The following KLHL1 variants were observed in gnomAD, a reference collection of about 807,000 sequenced individuals.
The protein encoded by KLHL1 is kelch-like protein 1.
Under a neutral mutation model 77.7 loss-of-function variants are expected in KLHL1, and 47 were observed. That is an observed-to-expected ratio of 0.60 (90% CI 0.48 to 0.77). The LOEUF (loss-of-function observed/expected upper bound fraction) is 0.77, where lower values mean the gene tolerates loss of function less well. Among genes scored for constraint, KLHL1 ranks in the 30% least tolerant of loss-of-function variants. The pLI is 0.00. For missense variants in KLHL1, 925 were observed against 910.8 expected, an observed-to-expected ratio of 1.02 and a Z score of -0.20; for synonymous variants, 360 against 325.2, an observed-to-expected ratio of 1.11 and a Z score of -1.15.
At position 69,810,865 on chromosome 13, in the gene KLHL1, A is replaced by G. The variant is rs1877849424; in HGVS notation, c.1415-13903T>C. On this transcript the variant is annotated intron_variant, in intron 6 of 10. Coordinates refer to ENST00000377844, the MANE Select transcript of KLHL1 (RefSeq NM_020866.3). ...ATGAACACCTCTATGCACACAAACA[A>G]GAAAATCTGTAAGAAACAGATAAAT... Among the ~76,000 whole-genome samples the G allele has an allele frequency of 5.3e-5, 8 of 152,256 alleles. No homozygotes were observed. In the South Asian group the frequency reaches 1.7e-3, roughly 32 times the overall value.
At chr13:69,885,226 CA>C (rs1010246794) in intron 4 of KLHL1, among the ~76,000 whole-genome samples, 1 of 151,988 alleles carries the variant, frequency 6.6e-6, no homozygotes, top group Non-Finnish European at 1.5e-5. Flanking sequence ...AGGCGTGAGC[CA>C]CCGCGCCCGG....
intron 1 of KLHL1, among the ~76,000 whole-genome samples, chr13:69,987,632 A>G (rs911134767): frequency 1.3e-5 from 2 of 152,020 alleles, no homozygotes; most frequent in Admixed American, 6.6e-5. Flanking sequence ...AAGGACTACT[A>G]AAGAACTCTT....
intron 4 of KLHL1, among the ~76,000 whole-genome samples, chr13:69,883,019 C>T (rs1881060085): frequency 1.3e-5 from 2 of 152,092 alleles, no homozygotes; most frequent in Non-Finnish European, 2.9e-5. Flanking sequence ...TTATCATTCC[C>T]TCCTCTCATG....
chr13:70,018,322 T>G (rs1885710484), intron 1 of KLHL1, among the ~76,000 whole-genome samples: 1 of 152,200 alleles, frequency 6.6e-6, no homozygotes, highest in South Asian at 2.1e-4. Context: ...CATAAAAGTA[T>G]AAAGTGGCAA....
At chr13:70,014,084 T>C (rs1279184908) in intron 1 of KLHL1, among the ~76,000 whole-genome samples, 1 of 152,064 alleles carries the variant, frequency 6.6e-6, no homozygotes, top group East Asian at 1.9e-4. Flanking sequence ...CAAAATTGAA[T>C]ACTAACAAGA....
At chr13:69,901,099 GACACTGT>G (rs1466439696) in intron 4 of KLHL1, among the ~76,000 whole-genome samples, 16 of 152,148 alleles carry the variant, frequency 1.1e-4, no homozygotes, top group African/African-American at 3.9e-4. Flanking sequence ...ACATTTGTAA[GACACTGT>G]ACATGCAAAT....
intron 4 of KLHL1, among the ~76,000 whole-genome samples, chr13:69,933,236 A>G (rs1354737581): frequency 6.6e-6 from 1 of 152,144 alleles, no homozygotes; most frequent in Admixed American, 6.6e-5. Context: ...ACTGAAAAGG[A>G]GTAACACAAA....
intron 5 of KLHL1, among the ~76,000 whole-genome samples, chr13:69,839,467 G>C (rs997640041): frequency 6.6e-6 from 1 of 151,818 alleles, no homozygotes; most frequent in African/African-American, 2.4e-5. Flanking sequence ...TGAAAATCAA[G>C]TATAGTTACT....
intron 4 of KLHL1, among the ~76,000 whole-genome samples, chr13:69,924,426 T>C (rs1882746975): frequency 6.6e-6 from 1 of 152,158 alleles, no homozygotes; most frequent in African/African-American, 2.4e-5. Flanking sequence ...GAGAGTCATT[T>C]GGATGGCCAG....
chr13:69,903,451 C>G (rs1168104261), intron 4 of KLHL1, among the ~76,000 whole-genome samples: 1 of 152,002 alleles, frequency 6.6e-6, no homozygotes, highest in African/African-American at 2.4e-5. Flanking sequence ...ATTGCATAAA[C>G]AAGCCTGATT....
intron 1 of KLHL1, among the ~76,000 whole-genome samples, chr13:70,005,751 CAA>C (rs1885390932): frequency 6.6e-6 from 1 of 151,772 alleles, no homozygotes; most frequent in African/African-American, 2.4e-5. Flanking sequence ...ATTATCAAAA[CAA>C]GAATAAATAC....
chr13:69,786,160 G>C (rs1359101628), intron 7 of KLHL1, among the ~76,000 whole-genome samples: 1 of 152,052 alleles, frequency 6.6e-6, no homozygotes, highest in African/African-American at 2.4e-5. Flanking sequence ...CATTGTATGA[G>C]GCCAGCATCA....
chr13:69,835,981 T>C (rs1002733376), intron 6 of KLHL1, among the ~76,000 whole-genome samples: 1 of 152,086 alleles, frequency 6.6e-6, no homozygotes, highest in South Asian at 2.1e-4. Flanking sequence ...TGTTCCCACA[T>C]GAGTAACTAT....
intron 7 of KLHL1, among the ~76,000 whole-genome samples, chr13:69,741,894 C>A (rs982384004): frequency 2.0e-5 from 3 of 152,076 alleles, no homozygotes; most frequent in Non-Finnish European, 2.9e-5. Flanking sequence ...TCAGTTGGTA[C>A]CTTGCTGCAA....
intron 4 of KLHL1, among the ~76,000 whole-genome samples, chr13:69,903,674 G>A (rs1312124013): frequency 8.0e-5 from 8 of 100,152 alleles, no homozygotes; most frequent in African/African-American, 2.1e-4. Context: ...ATGGAGTGTC[G>A]CTCTGTCACC....
chr13:69,736,289 T>A (rs1178228469), intron 8 of KLHL1, among the ~76,000 whole-genome samples: 1 of 151,958 alleles, frequency 6.6e-6, no homozygotes, highest in Non-Finnish European at 1.5e-5. Flanking sequence ...ATGAAAAAAT[T>A]CTCAACATCA....
intron 1 of KLHL1, among the ~76,000 whole-genome samples, chr13:70,105,256 T>C (rs1000818073): frequency 3.9e-5 from 6 of 151,956 alleles, no homozygotes; most frequent in Non-Finnish European, 7.4e-5. Flanking sequence ...AAGAAACTTG[T>C]TAAGTCTGGT....
intron 5 of KLHL1, among the ~76,000 whole-genome samples, chr13:69,852,325 A>G (rs1318897548): frequency 5.9e-5 from 9 of 151,942 alleles, no homozygotes; most frequent in African/African-American, 2.2e-4. Context: ...CTTCTCCCAC[A>G]TTTTATTTCA....
chr13:69,940,258 TATGAAACTCTTTTAAAAAC>T (rs1883325928), intron 3 of KLHL1, 22 bp from the exon 4 acceptor site: 1 of 1,557,708 alleles, frequency 6.4e-7, no homozygotes, highest in Non-Finnish European at 8.7e-7. Flanking sequence ...CAAAGATAAT[TATGAAACTCTTTTAAAAAC>T]ATGAAATAAT....
Sources: allele counts gnomAD v4.1 joint callset (sites outside exome capture counted in the v4.1 genomes callset), GRCh38; gene constraint gnomAD v4.1.1; transcripts MANE v1.5; gene names NCBI Gene and HGNC (gene_info 2026-07-23, HGNC 2026-07-21).